RUFY3: variants seen among roughly 807,000 people sequenced by gnomAD.
RUFY3 encodes the protein RUN and FYVE domain containing 3.
A neutral mutation model predicts 84.0 loss-of-function variants in RUFY3; 34 were observed. The observed-to-expected ratio is 0.40, with a 90% CI of 0.31 to 0.54. The LOEUF (loss-of-function observed/expected upper bound fraction) is 0.54, where lower values mean the gene tolerates loss of function less well. RUFY3 is among the 20% of genes least tolerant of loss of function. The pLI is 0.39. For missense variants in RUFY3, 507 were observed against 736.8 expected (o/e 0.69, Z 3.61); for synonymous variants, 242 against 252.9 (o/e 0.96, Z 0.41).
Position 70,807,760 on chromosome 4 carries a change from A to G in RUFY3, c.*1101A>G, listed in dbSNP as rs1732979225. Among the ~76,000 whole-genome samples the G allele has an allele frequency of 6.8e-6, 1 of 147,996 alleles. No individual in the cohort carries two copies. Among genetic ancestry groups the G allele is most frequent in the Non-Finnish European group, 1.5e-5 (1 of 67,504 alleles). ...AAGCAGTCCTCCCACCTTGACTTCC[A>G]CAGTGCCGAGATTACAGGCATGAGC... On this transcript the variant is annotated 3_prime_UTR_variant, in exon 18 of 18. Transcript: ENST00000381006.
At chr4:70,734,466 T>TTC (rs1341969220) in intron 1 of RUFY3, 34 of 983,716 alleles carry the variant, frequency 3.5e-5, no homozygotes, top group Non-Finnish European at 4.1e-5. Context: ...CTCAGTGAAC[T>TTC]TCTCAAAGTG....
Position 70,764,471 on chromosome 4 carries a change from G to A in RUFY3, c.471-4G>A, listed in dbSNP as rs1231816795. ...TCAGTTGTTTGATTTCTGTGTTTTT[G>A]TAGGACACCAGTAGGTAGAGGAAGA... On this transcript the variant is annotated splice_region_variant and splice_polypyrimidine_tract_variant and intron_variant, in intron 3 of 17. Coordinates refer to ENST00000381006, the MANE Select transcript of RUFY3 (RefSeq NM_001037442.4). 1.2e-6 allele frequency: 2 copies of A among 1,601,622 alleles called. No individual in the cohort carries two copies.
chr4:70,768,553 C>G lies in RUFY3; in HGVS notation c.588C>G (p.Pro196=). ...KKELLSEFYE[P]NALMMEEEGA... is the part of the protein sequence containing the mutation. ...TCTCTTACAGTGAATTCTACGAACC[C>G]AATGCCCTCATGATGGAAGAAGAAG... Residue 196 remains proline (P), a synonymous_variant, in exon 5 of 18, where the codon CCC becomes CCG. Coordinates refer to ENST00000381006, the MANE Select transcript of RUFY3 (RefSeq NM_001037442.4). 1.9e-6 allele frequency: 3 copies of G among 1,613,822 alleles called. No homozygotes were observed. Among genetic ancestry groups the G allele is most frequent in the Non-Finnish European group, 2.5e-6 (3 of 1,179,912 alleles).
At chr4:70,754,317 T>TACC (rs1723626432) in intron 1 of RUFY3, among the ~76,000 whole-genome samples, 3 of 152,154 alleles carry the variant, frequency 2.0e-5, no homozygotes, top group African/African-American at 7.2e-5. Flanking sequence ...CCTCCCAAAG[T>TACC]GCTGGGATTA....
intron 1 of RUFY3, among the ~76,000 whole-genome samples, chr4:70,731,979 A>AT (rs2148615489): frequency 6.6e-6 from 1 of 152,232 alleles, no homozygotes; most frequent in African/African-American, 2.4e-5. Context: ...TCTTTGGATG[A>AT]TTTTTTCAAT....
At chr4:70,714,400 CTT>C (rs1741342678) in intron 1 of RUFY3, among the ~76,000 whole-genome samples, 2 of 152,214 alleles carry the variant, frequency 1.3e-5, no homozygotes, top group African/African-American at 4.8e-5. Context: ...GACATTAAGA[CTT>C]TCCTAAACAC....
At position 70,805,652 on chromosome 4, in the gene RUFY3, T is replaced by C. The variant is rs544678419; in HGVS notation, c.1720-864T>C. ...ACTGGAAGTTACAATTATAGAAATA[T>C]GTTACAAAGTAGAACAAACTGTTAA... On this transcript the variant is annotated intron_variant, in intron 17 of 17. Coordinates refer to ENST00000381006, the MANE Select transcript of RUFY3 (RefSeq NM_001037442.4). Among the ~76,000 whole-genome samples, 9 of 152,344 alleles carry C rather than the reference T, an allele frequency of 5.9e-5. No homozygotes were observed. In the South Asian group the frequency reaches 1.7e-3, roughly 28 times the overall value.
At position 70,792,663 on chromosome 4, in the gene RUFY3, C is replaced by G. The variant is rs145420731; in HGVS notation, c.1338-1122C>G. On this transcript the variant is annotated intron_variant, in intron 12 of 17. Coordinates refer to ENST00000381006, the MANE Select transcript of RUFY3 (RefSeq NM_001037442.4). Reference sequence around the variant, plus strand: ...TGCTTTGGTGGGGACACAGATAACCCCTTCGCTTCCAGCTCTTAAAATTCT... The same window carrying G: ...TGCTTTGGTGGGGACACAGATAACCGCTTCGCTTCCAGCTCTTAAAATTCT... 5 of 985,280 alleles carry G rather than the reference C, an allele frequency of 5.1e-6. No homozygotes were observed. The East Asian group carries it at 5.7e-4, about 112-fold the overall frequency. The allele number at this position is 985,280 out of a possible 1,614,324, so 61.0% of individuals were successfully genotyped here.
In RUFY3 at chr4:70,722,094, G is replaced by C; in HGVS notation, c.-480G>C. On this transcript the variant is annotated 5_prime_UTR_variant, in exon 1 of 18. Transcript: ENST00000381006. ...CTGCAGCTCAGGATTTTTTTTTTAA[G>C]CTACATTGAAAATATAGGTTTATTT... The C allele has an allele frequency of 8.1e-7, 1 of 1,231,806 alleles. No individual in the cohort carries two copies. Among genetic ancestry groups the C allele is most frequent in the Non-Finnish European group, 1.0e-6 (1 of 987,736 alleles). The allele number at this position is 1,231,806 out of a possible 1,614,324, so 76.3% of individuals were successfully genotyped here. A position where few individuals can be genotyped will look rare whatever the true frequency, so the allele number is the denominator to read the frequency against.
chr4:70,776,936 T>C (rs1300409674), intron 7 of RUFY3, among the ~76,000 whole-genome samples: 1 of 152,244 alleles, frequency 6.6e-6, no homozygotes, highest in Non-Finnish European at 1.5e-5. Context: ...TTTATTTTTT[T>C]ATCTTAGGAG....
chr4:70,716,365 T>G (rs1206622042), intron 1 of RUFY3, among the ~76,000 whole-genome samples: 2 of 151,712 alleles, frequency 1.3e-5, no homozygotes, highest in Non-Finnish European at 2.9e-5. Flanking sequence ...AGGCAGGACT[T>G]GATCTCCTGA....
intron 1 of RUFY3, chr4:70,741,710 T>G: frequency 2.8e-6 from 4 of 1,443,648 alleles, no homozygotes; most frequent in Non-Finnish European, 2.7e-6. Flanking sequence ...CTTTCAGCTT[T>G]TTCTCCTTGC....
chr4:70,747,499 CAA>C (rs768378993), intron 1 of RUFY3, among the ~76,000 whole-genome samples: 3 of 125,748 alleles, frequency 2.4e-5, no homozygotes, highest in Non-Finnish European at 3.4e-5. Context: ...TAGGTGTGTG[CAA>C]AAAAAAAAAA....
intron 8 of RUFY3, among the ~76,000 whole-genome samples, chr4:70,782,592 T>C (rs1348542860): frequency 6.6e-6 from 1 of 152,060 alleles, no homozygotes; most frequent in Non-Finnish European, 1.5e-5. Flanking sequence ...CAAGGAGATA[T>C]TTTTTATTTT....
chr4:70,789,614 T>C (rs780958710), intron 12 of RUFY3, 22 bp downstream of exon 12: 5 of 1,607,844 alleles, frequency 3.1e-6, no homozygotes, highest in Admixed American at 3.4e-5. Flanking sequence ...GTTTCTTTAA[T>C]GAAACACTTT....
intron 9 of RUFY3, among the ~76,000 whole-genome samples, 164 bp downstream of exon 9, chr4:70,783,347 G>T (rs1416740098): frequency 6.6e-6 from 1 of 152,218 alleles, no homozygotes; most frequent in African/African-American, 2.4e-5. Flanking sequence ...GGAGGGTTAT[G>T]CGCCTTTTTC....
Position 70,722,257 on chromosome 4 carries a change from A to G in RUFY3, c.-317A>G, listed in dbSNP as rs917645371. 3.1e-5 allele frequency: 38 copies of G among 1,224,396 alleles called. No individual in the cohort carries two copies. The African/African-American group carries it at 5.1e-4, about 17-fold the overall frequency. The allele number at this position is 1,224,396 out of a possible 1,614,324, so 75.8% of individuals were successfully genotyped here. Reference sequence around the variant, plus strand: ...GGATTTAAAGCCTATAGCTCAGCTGAAAAAAAAGGTGGGGGGCAGGGAAGG... The same window carrying G: ...GGATTTAAAGCCTATAGCTCAGCTGGAAAAAAAGGTGGGGGGCAGGGAAGG... On this transcript the variant is annotated 5_prime_UTR_variant, in exon 1 of 18. Transcript: ENST00000381006.
chr4:70,735,687 T>A (rs1432176447), intron 1 of RUFY3, among the ~76,000 whole-genome samples: 2 of 150,562 alleles, frequency 1.3e-5, no homozygotes, highest in East Asian at 2.0e-4. Context: ...CAAAAAAAAA[T>A]AAAAATTAGC....
chr4:70,797,804 C>T (rs1731716672), intron 14 of RUFY3, among the ~76,000 whole-genome samples: 1 of 151,960 alleles, frequency 6.6e-6, no homozygotes, highest in African/African-American at 2.4e-5. Flanking sequence ...GACTGAGCCA[C>T]TGCACTCCAG....
Sources: gnomAD v4.1 joint callset for allele counts (sites outside exome capture counted in the v4.1 genomes callset) on GRCh38, gnomAD v4.1.1 for gene constraint, MANE v1.5 for transcripts, NCBI Gene and HGNC (gene_info 2026-07-23, HGNC 2026-07-21) for gene names.